The following CNKSR2 variants were observed in gnomAD, a reference collection of about 807,000 sequenced individuals.
CNKSR2 encodes CNK homolog protein 2.
In CNKSR2, 14 loss-of-function variants were observed where a neutral mutation model predicts 84.4. The ratio of observed to expected loss-of-function variants is 0.17; its 90% CI spans 0.11 to 0.26. The LOEUF (loss-of-function observed/expected upper bound fraction) is 0.26, where lower values mean the gene tolerates loss of function less well. Among genes scored for constraint, CNKSR2 ranks in the 10% least tolerant of loss-of-function variants. The probability of loss-of-function intolerance (pLI) is 1.00; values close to 1 mark genes in which losing one functional copy is unlikely to be tolerated. For synonymous variants in CNKSR2, 275 were observed against 277.9 expected (o/e 0.99, Z 0.10); for missense variants, 485 against 771.2 (o/e 0.63, Z 4.40).
intron 7 of CNKSR2, 159 bp from the exon 8 acceptor site, chrX:21,501,361 A>G (rs2091558162): frequency 3.1e-6 from 1 of 319,407 alleles, no homozygotes; most frequent in East Asian, 4.8e-5. Context: ...AAAACAGTGT[A>G]TTAAATACTA....
At chrX:21,400,918 T>A (rs751274686) in intron 1 of CNKSR2, among the ~76,000 whole-genome samples, 6 of 111,628 alleles carry the variant, frequency 5.4e-5, no homozygotes, top group East Asian at 2.8e-4. Context: ...GATCACATTT[T>A]AAAATTTTAT....
chrX:21,648,745 T>G, intron 20 of CNKSR2, 86 bp from the exon 21 acceptor site: 1 of 780,496 alleles, frequency 1.3e-6, no homozygotes, highest in Non-Finnish European at 1.8e-6. Context: ...GTCAAATAAC[T>G]ATATTGCAAT....
At chrX:21,522,264 A>C (rs1347206120) in intron 9 of CNKSR2, among the ~76,000 whole-genome samples, 1 of 111,118 alleles carries the variant, frequency 9.0e-6, no homozygotes, top group Non-Finnish European at 1.9e-5. Context: ...AAGAGTGAAT[A>C]AAATAAATGG....
intron 8 of CNKSR2, 136 bp from the exon 9 acceptor site, chrX:21,516,345 AGTAT>A (rs1476558094): frequency 7.5e-5 from 42 of 561,535 alleles, no homozygotes; most frequent in Middle Eastern, 5.7e-4. Flanking sequence ...AAATTTATTG[AGTAT>A]GTATCTCCTG....
intron 13 of CNKSR2, among the ~76,000 whole-genome samples, chrX:21,572,468 C>G (rs1049249159): frequency 1.8e-5 from 2 of 111,843 alleles, no homozygotes; most frequent in African/African-American, 6.5e-5. Context: ...CATTCTTATA[C>G]TGCTATAAGG....
At chrX:21,412,941 G>C (rs1307007101) in intron 1 of CNKSR2, among the ~76,000 whole-genome samples, 1 of 111,777 alleles carries the variant, frequency 8.9e-6, no homozygotes, top group East Asian at 2.8e-4. Flanking sequence ...CCATCTTTAA[G>C]TGTACAGTTC....
rs34844138 is a variant in CNKSR2, at chrX:21,654,272, TAAAAAAAAAAA to T, written c.*1763_*1773del. ...TTAAATTTGTGGGATTTTGTATATG[TAAAAAAAAAAA>T]AAAAAAAAAAACAAAAAACCTCTTG... On this transcript the variant is annotated 3_prime_UTR_variant, in exon 22 of 22. Transcript: ENST00000379510. The T allele has an allele frequency of 1.6e-5, 1 of 61,078 alleles. No individual in the cohort carries two copies. Among genetic ancestry groups the T allele is most frequent in the African/African-American group, 6.3e-5 (1 of 15,833 alleles). The allele number at this position is 61,078 out of a possible 1,213,427, so 5.0% of individuals were successfully genotyped here. A position where few individuals can be genotyped will look rare whatever the true frequency, so the allele number is the denominator to read the frequency against.
intron 20 of CNKSR2, among the ~76,000 whole-genome samples, chrX:21,610,872 A>G (rs1212544180): frequency 1.8e-5 from 2 of 112,074 alleles, no homozygotes; most frequent in Non-Finnish European, 3.8e-5. Flanking sequence ...ACCTCCCTTT[A>G]TGGTGTGGAT....
intron 13 of CNKSR2, among the ~76,000 whole-genome samples, chrX:21,574,174 A>G (rs967544924): frequency 2.9e-4 from 32 of 111,672 alleles, no homozygotes; most frequent in Admixed American, 2.8e-3. Context: ...ACATATCACT[A>G]TCAGCATTTT....
chrX:21,621,082 T>C (rs1315488065), intron 20 of CNKSR2, among the ~76,000 whole-genome samples: 2 of 111,544 alleles, frequency 1.8e-5, no homozygotes, highest in Admixed American at 1.9e-4. Context: ...TTATCAAACA[T>C]AATTTGTGTT....
chrX:21,420,482 C>T (rs1302287147), intron 1 of CNKSR2, among the ~76,000 whole-genome samples: 2 of 111,867 alleles, frequency 1.8e-5, no homozygotes, highest in Non-Finnish European at 3.8e-5. Context: ...AATTGTGCCC[C>T]GTAGTCAACC....
intron 20 of CNKSR2, 134 bp downstream of exon 20, chrX:21,609,751 C>A (rs2092540360): frequency 2.3e-6 from 2 of 875,358 alleles, no homozygotes; most frequent in Non-Finnish European, 3.0e-6. Flanking sequence ...TAAGTTAGGT[C>A]TCCCTTGGTG....
intron 1 of CNKSR2, among the ~76,000 whole-genome samples, chrX:21,414,683 T>G (rs767048886): frequency 2.1e-4 from 23 of 112,021 alleles, no homozygotes; most frequent in Non-Finnish European, 4.1e-4. Flanking sequence ...GGTAGTAGTT[T>G]CATAGTTTGA....
chrX:21,545,346 A>T (rs989734680), intron 11 of CNKSR2, among the ~76,000 whole-genome samples: 3 of 112,097 alleles, frequency 2.7e-5, no homozygotes, highest in African/African-American at 3.2e-5. Flanking sequence ...TCTCCTCTAG[A>T]TTCTTCTAGT....
At position 21,561,522 on chromosome X, in the gene CNKSR2, A is replaced by G. The variant is rs1319920879; in HGVS notation, c.1355A>G (p.Tyr452Cys). The G allele has an allele frequency of 8.3e-7, 1 of 1,205,939 alleles. No homozygotes were observed. Among genetic ancestry groups the G allele is most frequent in the South Asian group, 1.8e-5 (1 of 56,638 alleles). The change falls in exon 12 of 22, where the codon TAT becomes TGT. Residue 452 changes from tyrosine to cysteine, a missense_variant. By Grantham distance (194) the Tyr-to-Cys change is radical. Coordinates refer to ENST00000379510, the MANE Select transcript of CNKSR2 (RefSeq NM_014927.5). ...GTGGAATATAATTGGGTGGGGGACT[A>G]TGAAGATCCAAATAAGATGAAGAGA... ...MPVEYNWVGD[Y>C]EDPNKMKRDS...
chrX:21,503,397 A>G, intron 8 of CNKSR2: 1 of 291,366 alleles, frequency 3.4e-6, no homozygotes. Context: ...GCTAACACTT[A>G]TTGTGTTCTT....
chrX:21,587,826 C>G (rs145252259), intron 13 of CNKSR2, among the ~76,000 whole-genome samples: 1 of 111,459 alleles, frequency 9.0e-6, no homozygotes, highest in East Asian at 2.8e-4. Flanking sequence ...TTGGATGTCC[C>G]CAAGACCACC....
intron 18 of CNKSR2, among the ~76,000 whole-genome samples, chrX:21,601,622 A>G (rs2092482948): frequency 8.9e-6 from 1 of 112,213 alleles, no homozygotes; most frequent in Admixed American, 9.5e-5. Context: ...GAAAAAGTCT[A>G]TAATAGGTCT....
chrX:21,451,884 T>C (rs894196186), intron 4 of CNKSR2, among the ~76,000 whole-genome samples: 2 of 111,213 alleles, frequency 1.8e-5, no homozygotes, highest in African/African-American at 3.3e-5. Context: ...GCATAAAATA[T>C]GTAAAGCTAG....
Sources: allele counts gnomAD v4.1 joint callset (sites outside exome capture counted in the v4.1 genomes callset), GRCh38; gene constraint gnomAD v4.1.1; transcripts MANE v1.5; gene names NCBI Gene and HGNC (gene_info 2026-07-23, HGNC 2026-07-21).